KIF16B: variants seen among roughly 807,000 people sequenced by gnomAD.
The protein encoded by KIF16B is kinesin-like protein KIF16B.
A neutral mutation model predicts 156.3 loss-of-function variants in KIF16B; 98 were observed. The ratio of observed to expected loss-of-function variants is 0.63; its 90% CI spans 0.53 to 0.74. KIF16B has a LOEUF of 0.74. Ranked by LOEUF, KIF16B falls within the 30% of genes least tolerant of loss-of-function variation. KIF16B has a pLI of 0.00. For synonymous variants in KIF16B, 564 were observed against 583.7 expected (o/e 0.97, Z 0.49); for missense variants, 1,421 against 1,606.5 (o/e 0.88, Z 1.97).
At chr20:16,382,858 A>T (rs1477550090) in intron 17 of KIF16B, among the ~76,000 whole-genome samples, 1 of 152,126 alleles carries the variant, frequency 6.6e-6, no homozygotes, top group Non-Finnish European at 1.5e-5. Context: ...AGTCACCATA[A>T]ATCTTCTTCC....
intron 12 of KIF16B, among the ~76,000 whole-genome samples, chr20:16,451,263 C>A (rs575834333): frequency 2.0e-5 from 3 of 152,170 alleles, no homozygotes; most frequent in East Asian, 3.9e-4. Context: ...ACATTTATAG[C>A]AGCAAATGTA....
At chr20:16,484,694 G>C (rs1403185540) in intron 12 of KIF16B, among the ~76,000 whole-genome samples, 1 of 152,132 alleles carries the variant, frequency 6.6e-6, no homozygotes. Context: ...TGTTCAAACC[G>C]ACTCAAAATC....
chr20:16,463,425 G>A (rs985985872), intron 12 of KIF16B, among the ~76,000 whole-genome samples: 3 of 152,094 alleles, frequency 2.0e-5, no homozygotes, highest in African/African-American at 7.2e-5. Flanking sequence ...AACAGAAATG[G>A]CATAAAAATA....
intron 25 of KIF16B, among the ~76,000 whole-genome samples, chr20:16,305,696 T>C (rs931094654): frequency 1.3e-5 from 2 of 152,166 alleles, no homozygotes; most frequent in Admixed American, 1.3e-4. Flanking sequence ...CCCTTCTCAG[T>C]CTCTGGTAAC....
intron 25 of KIF16B, among the ~76,000 whole-genome samples, chr20:16,311,402 C>T (rs760552130): frequency 1.3e-5 from 2 of 152,174 alleles, no homozygotes; most frequent in Middle Eastern, 3.2e-3. Context: ...GCAGCAGAAT[C>T]GCTTGAATCT....
chr20:16,328,902 A>G (rs369182423), intron 24 of KIF16B, among the ~76,000 whole-genome samples: 52 of 152,282 alleles, frequency 3.4e-4, no homozygotes, highest in African/African-American at 1.2e-3. Context: ...ATCTCTTAAT[A>G]CCAACAAATT....
chr20:16,364,931 T>C (rs1349430222), intron 22 of KIF16B, among the ~76,000 whole-genome samples: 3 of 152,234 alleles, frequency 2.0e-5, no homozygotes, highest in African/African-American at 4.8e-5. Flanking sequence ...ATTTACAACA[T>C]GGTGGAATTA....
chr20:16,491,071 T>C (rs576838368), intron 12 of KIF16B, among the ~76,000 whole-genome samples: 1 of 152,008 alleles, frequency 6.6e-6, no homozygotes, highest in East Asian at 1.9e-4. Flanking sequence ...GAAAAGAAAA[T>C]TCATCCTAAC....
chr20:16,570,450 C>T (rs78192271), intron 1 of KIF16B, among the ~76,000 whole-genome samples: 2,889 of 152,220 alleles, frequency 0.019, 86 homozygotes, highest in African/African-American at 0.065. Flanking sequence ...AATGCAGAGG[C>T]GTCTGTTTCA....
intron 24 of KIF16B, 25 bp from the exon 25 acceptor site, chr20:16,312,443 T>C (rs1251219507): frequency 4.8e-6 from 7 of 1,469,362 alleles, no homozygotes; most frequent in South Asian, 1.1e-5. Flanking sequence ...TTAAAAGACA[T>C]GCATTAATAG....
intron 25 of KIF16B, among the ~76,000 whole-genome samples, chr20:16,280,868 G>GTGTGCA (rs1491440809): frequency 6.8e-6 from 1 of 147,114 alleles, no homozygotes; most frequent in African/African-American, 2.6e-5. Flanking sequence ...GTGTGTGTGT[G>GTGTGCA]CGCAGAAAAT....
intron 1 of KIF16B, among the ~76,000 whole-genome samples, chr20:16,567,049 C>A (rs2122159220): frequency 6.6e-6 from 1 of 152,314 alleles, no homozygotes. Flanking sequence ...TACCTTCCAA[C>A]CACCCCCTGC....
rs1387382246 is a variant in KIF16B, at chr20:16,379,128, C to T, written c.2874G>A (p.Gln958=). 9 of 1,614,074 alleles carry T rather than the reference C, an allele frequency of 5.6e-6. No individual in the cohort carries two copies. The highest frequency in any genetic ancestry group is 5.3e-5 in the African/African-American group (4 of 74,920). The change falls in exon 19 of 26, where the codon CAG becomes CAA. Residue 958 remains glutamine, a synonymous_variant. Transcript: ENST00000354981. The part of the protein sequence containing the change: ...EMEEKEEQLA[Q]YQANANQLQK... ...GCAGCTGGTTTGCATTGGCCTGGTA[C>T]TGTGCAAGCTGTTCTTCTTTTTCTT...
chr20:16,484,711 G>A (rs919886504), intron 12 of KIF16B, among the ~76,000 whole-genome samples: 3 of 152,128 alleles, frequency 2.0e-5, no homozygotes, highest in African/African-American at 7.2e-5. Flanking sequence ...AATCATCCAC[G>A]CTAGTCTGCA....
chr20:16,309,994 C>T (rs1332943934), intron 25 of KIF16B, among the ~76,000 whole-genome samples: 1 of 152,124 alleles, frequency 6.6e-6, no homozygotes, highest in Non-Finnish European at 1.5e-5. Context: ...GGGAAAATAA[C>T]TAAGTTGATT....
At chr20:16,389,413 T>C (rs2065309360) in intron 17 of KIF16B, among the ~76,000 whole-genome samples, 1 of 152,232 alleles carries the variant, frequency 6.6e-6, no homozygotes. Context: ...TTGCCTGGAA[T>C]GCTCGGTAGT....
At chr20:16,489,810 C>A (rs75039324) in intron 12 of KIF16B, among the ~76,000 whole-genome samples, 8,393 of 152,028 alleles carry the variant, frequency 0.055, 481 homozygotes, top group African/African-American at 0.15. Context: ...TGAGGGCCTG[C>A]GTTTCTAACC....
chr20:16,566,099 G>A (rs1012343530), intron 1 of KIF16B, among the ~76,000 whole-genome samples: 3 of 152,350 alleles, frequency 2.0e-5, no homozygotes, highest in South Asian at 2.1e-4. Flanking sequence ...TAACACATAC[G>A]TTTCATAAGC....
At position 16,431,419 on chromosome 20, in the gene KIF16B, C is replaced by G. The variant is rs1005319839; in HGVS notation, c.1303-1437G>C. Reference sequence around the variant, plus strand: ...CTGCCGCTCTCCCCTTTGCTCACTCCTCTCCAGGGATAGAGGCAACTTGCT... The same window carrying G: ...CTGCCGCTCTCCCCTTTGCTCACTCGTCTCCAGGGATAGAGGCAACTTGCT... On this transcript the variant is annotated intron_variant, in intron 12 of 25. Coordinates refer to ENST00000354981, the MANE Select transcript of KIF16B (RefSeq NM_024704.5). 2.0e-5 allele frequency among the ~76,000 whole-genome samples: 3 copies of G among 152,146 alleles called. No individual in the cohort carries two copies. The South Asian group carries it at 6.2e-4, about 32-fold the overall frequency.
Sources: gnomAD v4.1 joint callset for allele counts (sites outside exome capture counted in the v4.1 genomes callset) on GRCh38, gnomAD v4.1.1 for gene constraint, MANE v1.5 for transcripts, NCBI Gene and HGNC (gene_info 2026-07-23, HGNC 2026-07-21) for gene names.